EEF2K: variants seen among roughly 807,000 people sequenced by gnomAD.
EEF2K encodes eukaryotic elongation factor 2 kinase, also known as alternative protein EEF2K.
EEF2K carries 70 observed loss-of-function variants against 93.8 expected under a neutral mutation model. The ratio of observed to expected loss-of-function variants is 0.75; its 90% confidence interval spans 0.62 to 0.91. The LOEUF (loss-of-function observed/expected upper bound fraction) is 0.91. Among genes scored for constraint, EEF2K ranks in the 40% least tolerant of loss-of-function variants. The pLI, the probability that EEF2K is intolerant of heterozygous loss-of-function variation, is 0.00. For synonymous variants in EEF2K, 376 were observed against 380.8 expected, an observed-to-expected ratio of 0.99 and a Z score of 0.15; for missense variants, 935 against 972.9, an observed-to-expected ratio of 0.96 and a Z score of 0.52.
At position 22,257,759 on chromosome 16, in the gene EEF2K, A is replaced by T; in HGVS notation, c.1018A>T (p.Thr340Ser). 1 of 1,613,670 alleles carries T rather than the reference A, an allele frequency of 6.2e-7. No homozygotes were observed. The highest frequency in any genetic ancestry group is 1.3e-5 in the African/African-American group (1 of 75,048). ...PRERDAVNQNTKLLQSAKTIL... is the reference protein window; with the variant it reads ...PRERDAVNQNSKLLQSAKTIL... ...GGAGAGGGATGCAGTGAATCAGAAC[A>T]CCAAGCTGCTGGTGGGTGCCCAGTG... Residue 340 changes from threonine to serine, a missense_variant, in exon 9 of 18, where the codon ACC (threonine) becomes TCC (serine). By Grantham distance (58) the Thr-to-Ser change is moderately conservative. Coordinates refer to ENST00000263026, the MANE Select transcript of EEF2K (RefSeq NM_013302.5).
intron 2 of EEF2K, among the ~76,000 whole-genome samples, chr16:22,234,877 C>CTTTTTTTT (rs1173052779): frequency 6.6e-5 from 6 of 90,628 alleles, no homozygotes; most frequent in East Asian, 8.4e-4. Flanking sequence ...TTTTTTGTTG[C>CTTTTTTTT]TTTTTTTTTT....
intron 17 of EEF2K, among the ~76,000 whole-genome samples, chr16:22,281,773 C>T (rs1196254511): frequency 6.6e-6 from 1 of 152,090 alleles, no homozygotes; most frequent in Non-Finnish European, 1.5e-5. Flanking sequence ...ATAACTTTTT[C>T]AAGATTCATC....
intron 16 of EEF2K, among the ~76,000 whole-genome samples, chr16:22,277,596 G>T (rs1409991911): frequency 6.6e-6 from 1 of 152,196 alleles, no homozygotes; most frequent in Non-Finnish European, 1.5e-5. Context: ...AGGGTCTCCT[G>T]CCTTCATGGG....
intron 11 of EEF2K, among the ~76,000 whole-genome samples, chr16:22,262,001 C>CCAAACACACACACACACACA (rs536921866): frequency 2.9e-5 from 4 of 138,018 alleles, no homozygotes; most frequent in Non-Finnish European, 4.7e-5. Context: ...TGAGACCCTG[C>CCAAACACACACACACACACA]CACACACACA....
chr16:22,259,877 C>A (rs2047445553), intron 10 of EEF2K, among the ~76,000 whole-genome samples: 1 of 152,044 alleles, frequency 6.6e-6, no homozygotes, highest in South Asian at 2.1e-4. Flanking sequence ...CTCAGCCTCC[C>A]AAGTAGCTGG....
intron 17 of EEF2K, among the ~76,000 whole-genome samples, chr16:22,282,671 A>G (rs61210634): frequency 0.09 from 13,749 of 152,302 alleles, 744 homozygotes; most frequent in South Asian, 0.22. Context: ...ATGGGATGAT[A>G]CAGCACCAAG....
At chr16:22,237,541 G>T (rs11648623) in intron 2 of EEF2K, among the ~76,000 whole-genome samples, 41,711 of 151,270 alleles carry the variant, frequency 0.28, 6,626 homozygotes, top group East Asian at 0.56. Context: ...GGGAGGTTGA[G>T]GTGGAGGTTG....
chr16:22,211,238 G>A (rs936906043), intron 1 of EEF2K, among the ~76,000 whole-genome samples: 4 of 152,172 alleles, frequency 2.6e-5, no homozygotes, highest in African/African-American at 2.4e-5. Flanking sequence ...AGGTTCAGAA[G>A]GTTAAGTAAT....
chr16:22,248,712 C>T, intron 3 of EEF2K, 43 bp from the exon 4 acceptor site: 2 of 1,610,720 alleles, frequency 1.2e-6, no homozygotes, highest in Non-Finnish European at 1.7e-6. Context: ...GAAACAGGAC[C>T]ACGTGATGGA....
rs1488914558 is a variant in EEF2K, at chr16:22,245,074, C to T, written c.347+344C>T. On this transcript the variant is annotated intron_variant, in intron 3 of 17. Coordinates refer to ENST00000263026, the MANE Select transcript of EEF2K (RefSeq NM_013302.5). ...GTCAGGAGTTCAAGACCAGCCTGGCCGACATGGTGAAACCCCATCTCTACT... is the reference window on the plus strand; with the variant it reads ...GTCAGGAGTTCAAGACCAGCCTGGCTGACATGGTGAAACCCCATCTCTACT... Among the ~76,000 whole-genome samples the T allele has an allele frequency of 6.6e-5, 10 of 151,844 alleles. 1 individual carries two copies. Among genetic ancestry groups the T allele is most frequent in the Middle Eastern group, 3.2e-3 (1 of 316 alleles).
chr16:22,251,749 A>G (rs2047354444), intron 6 of EEF2K, among the ~76,000 whole-genome samples: 1 of 151,596 alleles, frequency 6.6e-6, no homozygotes. Context: ...AATAGTAGCT[A>G]ATAACAACCA....
At chr16:22,220,450 T>TTG (rs565998272) in intron 1 of EEF2K, among the ~76,000 whole-genome samples, 85 of 151,902 alleles carry the variant, frequency 5.6e-4, no homozygotes, top group East Asian at 2.7e-3. Context: ...GTGCTTTTTT[T>TTG]TTTGTTTTTT....
At chr16:22,244,269 TTGTGTGTGTGTGTGTGTGTGTGTG>T (rs200282636) in intron 2 of EEF2K, among the ~76,000 whole-genome samples, 295 of 140,136 alleles carry the variant, frequency 2.1e-3, no homozygotes, top group Middle Eastern at 0.011. Flanking sequence ...TATATATGTA[TTGTGTGTGTGTGTGTGTGTGTGTG>T]TGTGTGTGTG....
chr16:22,242,095 G>A (rs2047229021), intron 2 of EEF2K, among the ~76,000 whole-genome samples: 1 of 152,108 alleles, frequency 6.6e-6, no homozygotes. Context: ...AGAGAGCTAT[G>A]ATCACACTAC....
chr16:22,232,176 C>T (rs2047122635), intron 2 of EEF2K, among the ~76,000 whole-genome samples: 1 of 151,954 alleles, frequency 6.6e-6, no homozygotes, highest in Non-Finnish European at 1.5e-5. Flanking sequence ...CAACTGATGT[C>T]CTGGTCTATC....
intron 12 of EEF2K, among the ~76,000 whole-genome samples, chr16:22,264,532 T>C (rs1463449923): frequency 6.6e-6 from 1 of 152,086 alleles, no homozygotes; most frequent in Non-Finnish European, 1.5e-5. Context: ...TGGCTTTGTG[T>C]TGGGATCCTG....
At chr16:22,261,725 CG>C (rs1005812354) in intron 11 of EEF2K, among the ~76,000 whole-genome samples, 2 of 151,410 alleles carry the variant, frequency 1.3e-5, no homozygotes, top group African/African-American at 4.9e-5. Context: ...TTAGTAGAGG[CG>C]GGGTGTGGTG....
chr16:22,209,029 G>A (rs1470841514), intron 1 of EEF2K, among the ~76,000 whole-genome samples: 5 of 152,126 alleles, frequency 3.3e-5, no homozygotes, highest in African/African-American at 1.2e-4. Flanking sequence ...CAAGCCAGAG[G>A]GAGTGTTTGT....
In EEF2K at chr16:22,262,966, C is replaced by T. The variant is rs577086008; in HGVS notation, c.1300-144C>T. 19 of 614,268 alleles carry T rather than the reference C, an allele frequency of 3.1e-5. No homozygotes were observed. The African/African-American group carries it at 3.3e-4, about 11-fold the overall frequency. 38.1% of individuals were successfully genotyped at this position (614,268 alleles called of 1,614,324 possible). A position where few individuals can be genotyped will look rare whatever the true frequency, so the allele number is the denominator to read the frequency against. On this transcript the variant is annotated intron_variant, in intron 11 of 17. Coordinates refer to ENST00000263026, the MANE Select transcript of EEF2K (RefSeq NM_013302.5). ...TGCTGGGATTACAGGCATGAGCCAC[C>T]ACACCCGGCAAGGGACAGCAGGAGC...
Sources: allele counts gnomAD v4.1 joint callset (sites outside exome capture counted in the v4.1 genomes callset), GRCh38; gene constraint gnomAD v4.1.1; transcripts MANE v1.5; gene names NCBI Gene and HGNC (gene_info 2026-07-23, HGNC 2026-07-21).